The following TMEM14A variants were observed in gnomAD, a reference collection of about 807,000 sequenced individuals.
The protein encoded by TMEM14A is transmembrane protein 14A.
Under a neutral mutation model 11.6 loss-of-function variants are expected in TMEM14A, and 8 were observed. That is an observed-to-expected ratio of 0.69 (90% CI 0.40 to 1.24). The LOEUF is 1.24. Among genes scored for constraint, TMEM14A ranks in the 50% most tolerant of loss-of-function variants. The pLI is 0.01. For missense variants in TMEM14A, 108 were observed against 121.9 expected (o/e 0.89, Z 0.54); for synonymous variants, 34 against 45.5 (o/e 0.75, Z 1.02).
At chr6:52,681,534 A>G (rs1415690352) in intron 2 of TMEM14A, among the ~76,000 whole-genome samples, 3 of 152,240 alleles carry the variant, frequency 2.0e-5, no homozygotes, top group African/African-American at 7.2e-5. Context: ...TGTCCAAGCC[A>G]CCAGAACAAG....
Position 52,677,110 on chromosome 6 carries a change from T to C in TMEM14A, c.8T>C (p.Leu3Pro). Residue 3 changes from leucine to proline, a missense_variant, in exon 2 of 5, where the codon CTG becomes CCG. By Grantham distance (98) the Leu-to-Pro change is moderately conservative. Coordinates refer to ENST00000211314, the MANE Select transcript of TMEM14A (RefSeq NM_014051.4). MD[L>P]IGFGYAALVT... ...AGAATTGCAACCTTGCCAATGGACCTGATCGGTTTTGGTTATGCAGCCCTC... is the reference window on the plus strand; with the variant it reads ...AGAATTGCAACCTTGCCAATGGACCCGATCGGTTTTGGTTATGCAGCCCTC... The C allele has an allele frequency of 6.2e-7, 1 of 1,614,220 alleles. No homozygotes were observed. Among genetic ancestry groups the C allele is most frequent in the Non-Finnish European group, 8.5e-7 (1 of 1,180,032 alleles).
chr6:52,676,136 A>G (rs370188275), intron 1 of TMEM14A, among the ~76,000 whole-genome samples: 3 of 152,334 alleles, frequency 2.0e-5, no homozygotes, highest in African/African-American at 7.2e-5. Flanking sequence ...TGAACAGCTG[A>G]GAGTATGGCA....
intron 2 of TMEM14A, 146 bp downstream of exon 2, chr6:52,677,318 AAAGG>A: frequency 1.2e-6 from 1 of 853,900 alleles, no homozygotes; most frequent in Non-Finnish European, 1.9e-6. Context: ...GGGACTCATG[AAAGG>A]AAGAGGCTTC....
At chr6:52,679,563 C>T (rs1769326739) in intron 2 of TMEM14A, among the ~76,000 whole-genome samples, 1 of 152,122 alleles carries the variant, frequency 6.6e-6, no homozygotes, top group Non-Finnish European at 1.5e-5. Flanking sequence ...CCAAGACTGC[C>T]CCACCCAGAT....
chr6:52,678,880 T>G (rs1225376843), intron 2 of TMEM14A, among the ~76,000 whole-genome samples: 3 of 152,160 alleles, frequency 2.0e-5, no homozygotes, highest in Non-Finnish European at 2.9e-5. Context: ...GTACTCTAGT[T>G]TTGTATTATG....
intron 2 of TMEM14A, 41 bp from the exon 3 acceptor site, chr6:52,681,772 T>C: frequency 6.5e-7 from 1 of 1,531,102 alleles, no homozygotes; most frequent in Non-Finnish European, 9.0e-7. Flanking sequence ...CCTTTCCTTT[T>C]GGGATTCTCT....
intron 1 of TMEM14A, 109 bp from the exon 2 acceptor site, chr6:52,676,978 A>G: frequency 3.1e-6 from 3 of 969,400 alleles, no homozygotes; most frequent in Non-Finnish European, 4.8e-6. Context: ...TCAACATGAA[A>G]TTTGGGTGGG....
At chr6:52,685,944 G>A in intron 4 of TMEM14A, 66 bp from the exon 5 acceptor site, 1 of 1,517,916 alleles carries the variant, frequency 6.6e-7, no homozygotes. Flanking sequence ...GCGAGTGCAT[G>A]GCCCTTTCTG....
At chr6:52,685,215 G>A (rs1769470744) in intron 4 of TMEM14A, among the ~76,000 whole-genome samples, 1 of 152,158 alleles carries the variant, frequency 6.6e-6, no homozygotes. Flanking sequence ...TTTCAGGGAG[G>A]GGAGGAGGAG....
At chr6:52,680,704 T>TATATATATATACACAC (rs371102796) in intron 2 of TMEM14A, among the ~76,000 whole-genome samples, 620 of 50,954 alleles carry the variant, frequency 0.012, 65 homozygotes, top group Non-Finnish European at 0.019. Context: ...TATATATATA[T>TATATATATATACACAC]ACACATATAT....
chr6:52,682,741 ATTTTATT>A (rs902257460), intron 3 of TMEM14A, among the ~76,000 whole-genome samples: 3 of 152,012 alleles, frequency 2.0e-5, no homozygotes, highest in African/African-American at 7.2e-5. Flanking sequence ...ATTGTCAGTC[ATTTTATT>A]TTTTATATCA....
intron 2 of TMEM14A, among the ~76,000 whole-genome samples, chr6:52,679,223 G>C (rs755818573): frequency 1.3e-5 from 2 of 152,090 alleles, no homozygotes; most frequent in Non-Finnish European, 2.9e-5. Flanking sequence ...TGAGCACTGT[G>C]CTTGCCTGGG....
At chr6:52,680,711 A>ATATGTATATATATATATATACATATATG in intron 2 of TMEM14A, among the ~76,000 whole-genome samples, 1 of 130,578 alleles carries the variant, frequency 7.7e-6, no homozygotes, top group Non-Finnish European at 1.6e-5. Flanking sequence ...ATATACACAT[A>ATATGTATATATATATATATACATATATG]TATATATGGC....
At chr6:52,671,508 G>A (rs988935422) in intron 1 of TMEM14A, among the ~76,000 whole-genome samples, 2 of 151,976 alleles carry the variant, frequency 1.3e-5, no homozygotes, top group Non-Finnish European at 2.9e-5. Context: ...CTGGATCTGG[G>A]GTGGTGGGGT....
At position 52,677,126 on chromosome 6, in the gene TMEM14A, T is replaced by C. The variant is rs777247965; in HGVS notation, c.24T>C (p.Tyr8=). The C allele has an allele frequency of 1.3e-5, 21 of 1,614,238 alleles. No homozygotes were observed. Among genetic ancestry groups the C allele is most frequent in the Non-Finnish European group, 1.8e-5 (21 of 1,180,044 alleles). The change falls in exon 2 of 5, where the codon TAT becomes TAC. Residue 8 remains tyrosine (Y), a synonymous_variant. Coordinates refer to ENST00000211314, the MANE Select transcript of TMEM14A (RefSeq NM_014051.4). MDLIGFG[Y]AALVTFGSIF... ...CAATGGACCTGATCGGTTTTGGTTA[T>C]GCAGCCCTCGTGACATTTGGAAGCA...
At chr6:52,681,030 C>G (rs1769382818) in intron 2 of TMEM14A, among the ~76,000 whole-genome samples, 1 of 151,926 alleles carries the variant, frequency 6.6e-6, no homozygotes, top group Admixed American at 6.6e-5. Flanking sequence ...TGCTTTGACC[C>G]TACCCCCCAG....
intron 1 of TMEM14A, among the ~76,000 whole-genome samples, chr6:52,676,804 G>A (rs537427037): frequency 6.6e-6 from 1 of 152,272 alleles, no homozygotes; most frequent in Admixed American, 6.5e-5. Context: ...AGGAGGGGGA[G>A]AGCACGTGAA....
Position 52,683,939 on chromosome 6 carries a change from A to G in TMEM14A, c.173-139A>G, listed in dbSNP as rs142249109. ...ATGAAGTGTTTTAATAGAGCACTTTATCTTTTCAAGACAATGGCAACTCAG... is the reference window on the plus strand; with the variant it reads ...ATGAAGTGTTTTAATAGAGCACTTTGTCTTTTCAAGACAATGGCAACTCAG... On this transcript the variant is annotated intron_variant, in intron 3 of 4. Coordinates refer to ENST00000211314, the MANE Select transcript of TMEM14A (RefSeq NM_014051.4). 2.9e-4 allele frequency: 233 copies of G among 793,000 alleles called. 2 individuals are homozygous for G. In the African/African-American group the frequency reaches 3.7e-3, roughly 13 times the overall value. 49.1% of individuals were successfully genotyped at this position (793,000 alleles called of 1,614,324 possible).
In TMEM14A at chr6:52,684,168, A is replaced by G; in HGVS notation, c.260+3A>G. 6.2e-7 allele frequency: 1 copy of G among 1,612,568 alleles called. No homozygotes were observed. Among genetic ancestry groups the G allele is most frequent in the South Asian group, 1.1e-5 (1 of 90,776 alleles). ...GCTGGTTTGGTTGCAGGTTTAAGGT[A>G]AGTAAAACTATTTTGATCAATACTT... is the stretch of plus-strand genomic sequence containing the variant. On this transcript the variant is annotated splice_donor_region_variant and intron_variant, in intron 4 of 4. Coordinates refer to ENST00000211314, the MANE Select transcript of TMEM14A (RefSeq NM_014051.4).
Sources: allele counts gnomAD v4.1 joint callset (sites outside exome capture counted in the v4.1 genomes callset), GRCh38; gene constraint gnomAD v4.1.1; transcripts MANE v1.5; gene names NCBI Gene and HGNC (gene_info 2026-07-23, HGNC 2026-07-21).